KCNN2: variants seen among roughly 807,000 people sequenced by gnomAD.
The protein encoded by KCNN2 is small conductance calcium-activated potassium channel protein 2.
A neutral mutation model predicts 55.5 loss-of-function variants in KCNN2; 24 were observed. That is an observed-to-expected ratio of 0.43 (90% CI 0.31 to 0.61). The LOEUF is 0.61. Among genes scored for constraint, KCNN2 ranks in the 20% least tolerant of loss-of-function variants. KCNN2 has a pLI of 0.08. For synonymous variants in KCNN2, 431 were observed against 336.1 expected (o/e 1.28, Z -3.09); for missense variants, 754 against 853.6 (o/e 0.88, Z 1.45).
upstream of KCNN2, among the ~76,000 whole-genome samples, chr5:114,357,832 G>A (rs2150042529): frequency 6.6e-6 from 1 of 151,988 alleles, no homozygotes; most frequent in East Asian, 2.0e-4. Flanking sequence ...GGGTGGCTGG[G>A]TCAAATGGTG....
chr5:114,327,155 C>T (rs1756730153), intron 2 of KCNN2, among the ~76,000 whole-genome samples: 1 of 152,208 alleles, frequency 6.6e-6, no homozygotes, highest in Non-Finnish European at 1.5e-5. Flanking sequence ...AGTTTTGATA[C>T]AGTGAGAAGT....
intron 6 of KCNN2, 159 bp from the exon 7 acceptor site, chr5:114,493,244 C>G: frequency 1.4e-6 from 1 of 699,032 alleles, no homozygotes; most frequent in Non-Finnish European, 2.7e-6. Flanking sequence ...GCATGCTTCT[C>G]ATTGTACCAG....
intron 1 of KCNN2, among the ~76,000 whole-genome samples, chr5:114,116,393 G>C (rs183814734): frequency 5.0e-4 from 76 of 152,238 alleles, no homozygotes; most frequent in Admixed American, 2.4e-3. Flanking sequence ...TGTTTGAAAA[G>C]ATGTTTAAAT....
chr5:114,423,986 G>A (rs1195184895), intron 3 of KCNN2, among the ~76,000 whole-genome samples: 1 of 152,130 alleles, frequency 6.6e-6, no homozygotes, highest in Non-Finnish European at 1.5e-5. Context: ...TATGAAGAAG[G>A]GTTGCAGTTG....
At chr5:114,300,258 T>C (rs912095846) in intron 2 of KCNN2, among the ~76,000 whole-genome samples, 1 of 152,212 alleles carries the variant, frequency 6.6e-6, no homozygotes, top group South Asian at 2.1e-4. Context: ...CTCTACTATA[T>C]GTTTTTAAAA....
At chr5:114,270,618 A>G (rs751603448) in intron 2 of KCNN2, among the ~76,000 whole-genome samples, 5 of 152,130 alleles carry the variant, frequency 3.3e-5, no homozygotes, top group Non-Finnish European at 7.4e-5. Context: ...TATTATCTCA[A>G]ACTGTTTATT....
intron 5 of KCNN2, among the ~76,000 whole-genome samples, chr5:114,479,165 GACAC>G: frequency 6.8e-6 from 1 of 147,746 alleles, no homozygotes; most frequent in Non-Finnish European, 1.5e-5. Flanking sequence ...CTCATGTGCA[GACAC>G]ACACATAGGC....
chr5:114,059,566 A>G (rs1750283673), intron 1 of KCNN2, among the ~76,000 whole-genome samples: 1 of 152,262 alleles, frequency 6.6e-6, no homozygotes, highest in African/African-American at 2.4e-5. Context: ...TGTTGAATAG[A>G]TGACAGAAGG....
intron 1 of KCNN2, among the ~76,000 whole-genome samples, chr5:114,143,713 G>A (rs1284614196): frequency 6.6e-6 from 1 of 152,156 alleles, no homozygotes; most frequent in African/African-American, 2.4e-5. Flanking sequence ...GCTCATTCTG[G>A]CAGTCCAGCC....
intron 1 of KCNN2, among the ~76,000 whole-genome samples, chr5:114,182,179 A>G (rs2112554378): frequency 6.6e-6 from 1 of 152,066 alleles, no homozygotes; most frequent in African/African-American, 2.4e-5. Flanking sequence ...AGAATTATCA[A>G]TCTACTTCTG....
chr5:114,202,585 A>ATATATATATAT (rs1430105677), intron 1 of KCNN2, among the ~76,000 whole-genome samples: 1 of 92,152 alleles, frequency 1.1e-5, no homozygotes, highest in African/African-American at 4.3e-5. Context: ...ATATATATAT[A>ATATATATATAT]TTTTTTTTTT....
At chr5:114,062,110 T>A (rs1007574836) in intron 1 of KCNN2, among the ~76,000 whole-genome samples, 1 of 152,084 alleles carries the variant, frequency 6.6e-6, no homozygotes, top group South Asian at 2.1e-4. Flanking sequence ...CTTTTTTTTT[T>A]TTTATAAAAT....
intron 1 of KCNN2, 65 bp downstream of exon 1, chr5:114,363,326 G>A: frequency 6.8e-7 from 1 of 1,470,576 alleles, no homozygotes. Context: ...ATGGGCACTG[G>A]CGGGGACCCT....
intron 1 of KCNN2, among the ~76,000 whole-genome samples, chr5:114,174,380 A>G (rs149766623): frequency 6.3e-4 from 96 of 152,238 alleles, no homozygotes; most frequent in South Asian, 8.3e-4. Context: ...CAGATGGATA[A>G]TGGTTGCCTT....
At chr5:114,358,160 A>C (rs559127308), upstream of KCNN2, among the ~76,000 whole-genome samples, 1 of 152,214 alleles carries the variant, frequency 6.6e-6, no homozygotes, top group East Asian at 1.9e-4. Flanking sequence ...AACTACCATC[A>C]GAGTGAACAG....
At chr5:114,375,761 T>A (rs1483581835) in intron 2 of KCNN2, among the ~76,000 whole-genome samples, 1 of 151,862 alleles carries the variant, frequency 6.6e-6, no homozygotes, top group Non-Finnish European at 1.5e-5. Flanking sequence ...TGGAAACGAG[T>A]TTGAGCAGGC....
At chr5:114,222,592 T>C (rs1754163077) in intron 2 of KCNN2, among the ~76,000 whole-genome samples, 1 of 152,216 alleles carries the variant, frequency 6.6e-6, no homozygotes, top group South Asian at 2.1e-4. Context: ...AACTGTACTA[T>C]ATTATCGGAT....
chr5:114,407,951 C>T (rs967837680), intron 3 of KCNN2, among the ~76,000 whole-genome samples: 3 of 152,178 alleles, frequency 2.0e-5, no homozygotes, highest in African/African-American at 7.2e-5. Flanking sequence ...GTTAGTGTTT[C>T]TACAAAGCAG....
chr5:114,143,857 A>G (rs943557542), intron 1 of KCNN2, among the ~76,000 whole-genome samples: 7 of 152,190 alleles, frequency 4.6e-5, no homozygotes, highest in Non-Finnish European at 8.8e-5. Flanking sequence ...ATTTAAATGA[A>G]CCGTAGCAAT....
Sources: allele counts gnomAD v4.1 joint callset (sites outside exome capture counted in the v4.1 genomes callset), GRCh38; gene constraint gnomAD v4.1.1; transcripts MANE v1.5; gene names NCBI Gene and HGNC (gene_info 2026-07-23, HGNC 2026-07-21).